The following DUOX1 variants were observed in gnomAD, a reference collection of about 807,000 sequenced individuals.
The protein encoded by DUOX1 is dual oxidase 1.
Under a neutral mutation model 181.8 loss-of-function variants are expected in DUOX1, and 134 were observed. That is an observed-to-expected ratio of 0.74 (90% CI 0.64 to 0.85). The LOEUF is 0.85. DUOX1 is among the 40% of genes least tolerant of loss of function. The probability of loss-of-function intolerance (pLI) is 0.00; values close to 1 mark genes in which losing one functional copy is unlikely to be tolerated. For missense variants in DUOX1, 1,814 were observed against 2,064.4 expected (o/e 0.88, Z 2.35); for synonymous variants, 798 against 832.5 (o/e 0.96, Z 0.71).
At chr15:45,138,303 T>C (rs1043262627) in intron 10 of DUOX1, among the ~76,000 whole-genome samples, 1 of 152,176 alleles carries the variant, frequency 6.6e-6, no homozygotes, top group African/African-American at 2.4e-5. Context: ...CAGGTATGGT[T>C]CCGCCTTCGT....
At chr15:45,133,261 C>T (rs1896199845) in intron 2 of DUOX1, among the ~76,000 whole-genome samples, 1 of 152,160 alleles carries the variant, frequency 6.6e-6, no homozygotes, top group Non-Finnish European at 1.5e-5. Flanking sequence ...AGAAAAAGGG[C>T]AAAGTCATCC....
Position 45,136,416 on chromosome 15 carries a change from G to A in DUOX1, c.925+6G>A, listed in dbSNP as rs1470600831. ...AACACTCCCGGAGTATACAGGTGAG[G>A]GAGCGGGGAAGGAGGATGGGAGGGC... On this transcript the variant is annotated splice_donor_region_variant and intron_variant, in intron 8 of 33. Transcript: ENST00000389037. The A allele has an allele frequency of 6.2e-7, 1 of 1,614,082 alleles. No homozygotes were observed. The highest frequency in any genetic ancestry group is 8.5e-7 in the Non-Finnish European group (1 of 1,180,048).
At chr15:45,148,512 C>T (rs1414464337) in intron 21 of DUOX1, 65 bp downstream of exon 21, 6 of 1,497,156 alleles carry the variant, frequency 4.0e-6, no homozygotes, top group Non-Finnish European at 5.4e-6. Context: ...TGCCCACATA[C>T]TTTTAGGAGT....
At chr15:45,152,572 C>T (rs534510142) in intron 25 of DUOX1, 56 bp downstream of exon 25, 69 of 1,483,638 alleles carry the variant, frequency 4.7e-5, no homozygotes, top group Non-Finnish European at 6.5e-5. Flanking sequence ...CCGCTGACTT[C>T]CCCTCGTATG....
intron 10 of DUOX1, chr15:45,138,764 G>A: frequency 2.9e-6 from 1 of 340,730 alleles, no homozygotes; most frequent in Non-Finnish European, 5.4e-6. Context: ...TAGTAACAGA[G>A]GACTAAGACC....
At chr15:45,150,927 T>C (rs1595588634) in intron 22 of DUOX1, among the ~76,000 whole-genome samples, 196 bp from the exon 23 acceptor site, 1 of 152,132 alleles carries the variant, frequency 6.6e-6, no homozygotes, top group Non-Finnish European at 1.5e-5. Flanking sequence ...TTGTGAAGGG[T>C]AAAGGCATAT....
rs759919266 is a variant in DUOX1, at chr15:45,154,003, G to A, written c.3574+3G>A. On this transcript the variant is annotated splice_donor_region_variant and intron_variant, in intron 27 of 33. Coordinates refer to ENST00000389037, the MANE Select transcript of DUOX1 (RefSeq NM_175940.3). ...GTGGTTCTTCCAGACCGTACCAGGT[G>A]AGAACCCTCCTTGATCCATGAATTT... 3.1e-6 allele frequency: 5 copies of A among 1,613,464 alleles called. No homozygotes were observed. The highest frequency in any genetic ancestry group is 3.3e-5 in the Admixed American group (2 of 60,018).
chr15:45,160,837 C>T lies in DUOX1; in HGVS notation c.3703C>T (p.Leu1235Phe), dbSNP rs1352150286. The part of the protein sequence containing the change: ...HHLYILLYVL[L>F]IIHGSFALIQ... ...GAGCAGAGCTCTTTCCTCCATCTAG[C>T]TCATCATCCATGGTAGCTTTGCCCT... The change falls in exon 29 of 34, where the codon CTC becomes TTC. Residue 1235 changes from leucine to phenylalanine, a missense_variant and splice_region_variant. Leu to Phe is a conservative substitution (Grantham distance 22, BLOSUM62 0). This residue lies in a region of DUOX1 where 279 missense variants were observed against 381.9 expected (regional missense o/e 0.73). Transcript: ENST00000389037. 1 of 1,602,366 alleles carries T rather than the reference C, an allele frequency of 6.2e-7. No individual in the cohort carries two copies. The highest frequency in any genetic ancestry group is 8.5e-7 in the Non-Finnish European group (1 of 1,173,436).
Position 45,151,984 on chromosome 15 carries a change from G to A in DUOX1, c.3125G>A (p.Arg1042Gln). The A allele has an allele frequency of 1.2e-6, 2 of 1,614,068 alleles. No individual in the cohort carries two copies. The highest frequency in any genetic ancestry group is 1.1e-5 in the South Asian group (1 of 91,082). The part of the protein sequence containing the change: ...QQFKRFIENY[R>Q]RHIGCVAVFY... ...TTCAAGCGCTTCATTGAGAACTACC[G>A]GCGCCACATCGGCTGCGTGGCCGTG... The change falls in exon 24 of 34, where the codon CGG becomes CAG. Residue 1042 changes from arginine to glutamine, a missense_variant. Arg to Gln is a conservative substitution (Grantham distance 43). Around this residue, in one of 5 missense-constraint regions of DUOX1, gnomAD observed 1,064 missense variants for 1,152.9 expected, o/e 0.92. Coordinates refer to ENST00000389037, the MANE Select transcript of DUOX1 (RefSeq NM_175940.3).
Position 45,151,950 on chromosome 15 carries a change from G to T in DUOX1, c.3091G>T (p.Val1031Leu), listed in dbSNP as rs1896816746. 5 of 1,614,018 alleles carry T rather than the reference G, an allele frequency of 3.1e-6. No individual in the cohort carries two copies. Among genetic ancestry groups the T allele is most frequent in the East Asian group, 4.5e-5 (2 of 44,848 alleles). Reference protein sequence around the residue: ...KFQRSCLHQTVQQFKRFIENY... With the variant: ...KFQRSCLHQTLQQFKRFIENY... ...CCAACGCAGCTGTCTCCACCAGACG[G>T]TGCAACAGTTCAAGCGCTTCATTGA... The change falls in exon 24 of 34, where the codon GTG becomes TTG. Residue 1031 changes from valine (V) to leucine (L), a missense_variant. Val to Leu is a conservative substitution (Grantham distance 32). This residue lies in a region of DUOX1 where 1,064 missense variants were observed against 1,152.9 expected (regional missense o/e 0.92). Coordinates refer to ENST00000389037, the MANE Select transcript of DUOX1 (RefSeq NM_175940.3).
At position 45,147,568 on chromosome 15, in the gene DUOX1, G is replaced by A. The variant is rs1478629454; in HGVS notation, c.2458G>A (p.Val820Met). ...SLGLKPQDMF[V>M]ESMFSLADKD... ...GGGCCTCAAGCCCCAGGACATGTTTGTGGAGTCCATGTTCTCTCTGGCTGA... is the reference window on the plus strand; with the variant it reads ...GGGCCTCAAGCCCCAGGACATGTTTATGGAGTCCATGTTCTCTCTGGCTGA... The change falls in exon 19 of 34, where the codon GTG becomes ATG. Residue 820 changes from valine to methionine, a missense_variant. Physicochemically the swap from Val to Met is conservative, Grantham distance 21. Transcript: ENST00000389037. 4 of 1,614,034 alleles carry A rather than the reference G, an allele frequency of 2.5e-6. No individual in the cohort carries two copies. The highest frequency in any genetic ancestry group is 2.5e-6 in the Non-Finnish European group (3 of 1,180,016).
chr15:45,163,689 T>C lies in DUOX1; in HGVS notation c.4404+2T>C. On this transcript the variant is annotated splice_donor_variant, in intron 32 of 33. Coordinates refer to ENST00000389037, the MANE Select transcript of DUOX1 (RefSeq NM_175940.3). LOFTEE classifies it high-confidence loss of function. The stretch of plus-strand genomic sequence containing the variant: ...TTCGACCTCAGGACCACTATGCTGG[T>C]ATGTCAGGGCCCACCAGGAGGGTAT... The C allele has an allele frequency of 6.2e-7, 1 of 1,614,038 alleles. No individual in the cohort carries two copies. Among genetic ancestry groups the C allele is most frequent in the Non-Finnish European group, 8.5e-7 (1 of 1,180,000 alleles).
rs759379075 is a variant in DUOX1, at chr15:45,161,951, G to A, written c.4070G>A (p.Arg1357Lys). Reference protein sequence around the residue: ...REIYSAPTGDRCARYPKLYLD... With the variant: ...REIYSAPTGDKCARYPKLYLD... ...ATCTACTCAGCCCCGACGGGTGACA[G>A]ATGTGCCAGATACCCAAAGGTACCA... Residue 1357 changes from arginine to lysine, a missense_variant, in exon 30 of 34, where the codon AGA (arginine) becomes AAA (lysine). By Grantham distance (26) the Arg-to-Lys change is conservative (BLOSUM62 2). Around this residue, in one of 5 missense-constraint regions of DUOX1, gnomAD observed 279 missense variants for 381.9 expected, o/e 0.73. Transcript: ENST00000389037. The A allele has an allele frequency of 3.1e-6, 5 of 1,612,830 alleles. No homozygotes were observed. The highest frequency in any genetic ancestry group is 4.2e-6 in the Non-Finnish European group (5 of 1,179,408).
intron 27 of DUOX1, among the ~76,000 whole-genome samples, chr15:45,154,232 C>G (rs1896909725): frequency 6.6e-6 from 1 of 152,148 alleles, no homozygotes; most frequent in Admixed American, 6.5e-5. Flanking sequence ...GGGCTAGTTC[C>G]TTCTCTAGTA....
Position 45,148,134 on chromosome 15 carries a change from T to A in DUOX1, c.2642+137T>A, listed in dbSNP as rs1402863294. On this transcript the variant is annotated intron_variant, in intron 20 of 33. Coordinates refer to ENST00000389037, the MANE Select transcript of DUOX1 (RefSeq NM_175940.3). Reference sequence around the variant, plus strand: ...CCATGTAACCAGAGGCTGTTCAAACTAGCAGGGGGCTTGGGATGTGGCCAG... The same window carrying A: ...CCATGTAACCAGAGGCTGTTCAAACAAGCAGGGGGCTTGGGATGTGGCCAG... The A allele has an allele frequency of 3.5e-6, 5 of 1,449,104 alleles. No homozygotes were observed. The African/African-American group carries it at 5.6e-5, about 16-fold the overall frequency. 89.8% of individuals were successfully genotyped at this position (1,449,104 alleles called of 1,614,324 possible). A position where few individuals can be genotyped will look rare whatever the true frequency, so the allele number is the denominator to read the frequency against.
At chr15:45,164,631 G>A in intron 33 of DUOX1, 148 bp from the exon 34 acceptor site, 1 of 842,968 alleles carries the variant, frequency 1.2e-6, no homozygotes, top group South Asian at 1.6e-5. Flanking sequence ...ACTATGCCTG[G>A]CTAATTAAAA....
chr15:45,154,234 T>C (rs2256257), intron 27 of DUOX1, among the ~76,000 whole-genome samples: 88,988 of 151,978 alleles, frequency 0.59, 27,136 homozygotes, highest in South Asian at 0.72. Context: ...GCTAGTTCCT[T>C]CTCTAGTAGG....
chr15:45,143,058 T>G (rs1896549483), intron 15 of DUOX1, 132 bp from the exon 16 acceptor site: 2 of 677,668 alleles, frequency 3.0e-6, no homozygotes, highest in Non-Finnish European at 5.1e-6. Flanking sequence ...CTTCCCAATC[T>G]GAAACAATTG....
chr15:45,142,997 A>G (rs1426340813), intron 15 of DUOX1, among the ~76,000 whole-genome samples, 193 bp from the exon 16 acceptor site: 1 of 152,036 alleles, frequency 6.6e-6, no homozygotes, highest in Non-Finnish European at 1.5e-5. Context: ...TGGGTATCTT[A>G]GATGCTACCC....
Sources: allele counts gnomAD v4.1 joint callset (sites outside exome capture counted in the v4.1 genomes callset), GRCh38; gene constraint gnomAD v4.1.1; regional missense constraint gnomAD v4.1.1; transcripts MANE v1.5; gene names NCBI Gene and HGNC (gene_info 2026-07-23, HGNC 2026-07-21).